Variants in STAC observed in about 807,000 individuals in gnomAD.
The protein encoded by STAC is SH3 and cysteine rich domain.
Under a neutral mutation model 48.8 loss-of-function variants are expected in STAC, and 43 were observed. The ratio of observed to expected loss-of-function variants is 0.88; its 90% CI spans 0.69 to 1.14. STAC has a LOEUF of 1.14. STAC is among the 50% of genes most tolerant of loss of function. The pLI, the probability that STAC is intolerant of heterozygous loss-of-function variation, is 0.00. For synonymous variants in STAC, 193 were observed against 179.5 expected (o/e 1.07, Z -0.60); for missense variants, 497 against 504.0 (o/e 0.99, Z 0.13).
chr3:36,443,251 G>T lies in STAC; in HGVS notation c.112-113G>T. The T allele has an allele frequency of 2.3e-6, 3 of 1,277,208 alleles. No homozygotes were observed. Among genetic ancestry groups the T allele is most frequent in the Non-Finnish European group, 2.2e-6 (2 of 918,968 alleles). 79.1% of individuals were successfully genotyped at this position (1,277,208 alleles called of 1,614,324 possible). A position where few individuals can be genotyped will look rare whatever the true frequency, so the allele number is the denominator to read the frequency against. On this transcript the variant is annotated intron_variant, in intron 1 of 10. Coordinates refer to ENST00000273183, the MANE Select transcript of STAC (RefSeq NM_003149.3). The surrounding 1 kb of genome is among the most constrained non-coding windows in gnomAD (Gnocchi z 4.2). Reference sequence around the variant, plus strand: ...CAGGGACATTTATGAGCCTCCTCAAGACGGAGGGTGTCAGTGGGGACTGTG... The same window carrying T: ...CAGGGACATTTATGAGCCTCCTCAATACGGAGGGTGTCAGTGGGGACTGTG...
chr3:36,541,143 G>T (rs1035920243), intron 10 of STAC, among the ~76,000 whole-genome samples: 1 of 151,912 alleles, frequency 6.6e-6, no homozygotes, highest in Admixed American at 6.6e-5. Context: ...GACAAAGAAA[G>T]ATTTTCTTCC....
chr3:36,434,257 T>C (rs1435298787), intron 1 of STAC, among the ~76,000 whole-genome samples: 1 of 152,206 alleles, frequency 6.6e-6, no homozygotes, highest in African/African-American at 2.4e-5. Flanking sequence ...ATATGACAGG[T>C]ATTTCCTCAA....
At chr3:36,415,462 TCTC>T (rs1478257403) in intron 1 of STAC, among the ~76,000 whole-genome samples, 3 of 152,158 alleles carry the variant, frequency 2.0e-5, no homozygotes, top group Non-Finnish European at 4.4e-5. Context: ...TGGGATATAA[TCTC>T]CTGGTGTGCT....
At chr3:36,473,365 G>T (rs1553638211) in intron 2 of STAC, among the ~76,000 whole-genome samples, 1 of 152,198 alleles carries the variant, frequency 6.6e-6, no homozygotes, top group Non-Finnish European at 1.5e-5. Flanking sequence ...ACCTGAGTTA[G>T]CTATGTGCAG....
chr3:36,397,973 T>A (rs745787216), intron 1 of STAC, among the ~76,000 whole-genome samples: 17 of 151,886 alleles, frequency 1.1e-4, no homozygotes, highest in Non-Finnish European at 1.8e-4. Context: ...TGGGAGATAT[T>A]TAAAACTTGT....
At chr3:36,436,871 A>G (rs1020056746) in intron 1 of STAC, among the ~76,000 whole-genome samples, 1 of 151,322 alleles carries the variant, frequency 6.6e-6, no homozygotes, top group African/African-American at 2.4e-5. Flanking sequence ...TCCGCAACCT[A>G]CTCATCTGAC....
chr3:36,541,470 T>C (rs1699324595), intron 10 of STAC, among the ~76,000 whole-genome samples: 1 of 152,218 alleles, frequency 6.6e-6, no homozygotes, highest in Non-Finnish European at 1.5e-5. Flanking sequence ...GAACTAAGGT[T>C]GCCCAGCTGA....
At chr3:36,408,174 A>G (rs932155014) in intron 1 of STAC, among the ~76,000 whole-genome samples, 1 of 152,110 alleles carries the variant, frequency 6.6e-6, no homozygotes, top group African/African-American at 2.4e-5. Flanking sequence ...CTATCCCATC[A>G]CTTTTCCCAT....
intron 2 of STAC, among the ~76,000 whole-genome samples, chr3:36,481,166 A>G (rs562272720): frequency 5.6e-4 from 86 of 152,244 alleles, no homozygotes; most frequent in African/African-American, 2.0e-3. Context: ...AGAGCTGAGG[A>G]ATTAAAGAGC....
chr3:36,466,169 G>A (rs1697163288), intron 2 of STAC, among the ~76,000 whole-genome samples: 1 of 152,082 alleles, frequency 6.6e-6, no homozygotes, highest in African/African-American at 2.4e-5. Flanking sequence ...TTTCTCCACT[G>A]TATGTTTTTC....
At chr3:36,489,550 G>A (rs1273497819) in intron 5 of STAC, among the ~76,000 whole-genome samples, 1 of 152,180 alleles carries the variant, frequency 6.6e-6, no homozygotes, top group Non-Finnish European at 1.5e-5. Context: ...GTTATATATT[G>A]CTTAGTAATT....
Position 36,483,009 on chromosome 3 carries a change from G to A in STAC, c.406G>A (p.Gly136Arg). 1.9e-6 allele frequency: 3 copies of A among 1,614,052 alleles called. No homozygotes were observed. The highest frequency in any genetic ancestry group is 2.5e-6 in the Non-Finnish European group (3 of 1,179,916). ...CCTGACAGGAACAAATGCTAAGCAT[G>A]GACTGCGCTGCAAAGCCTGTAAGAT... ...HMIVGTNAKHGLRCKACKMSI... is the reference protein window; with the variant it reads ...HMIVGTNAKHRLRCKACKMSI... The change falls in exon 3 of 11, where the codon GGA becomes AGA. Residue 136 changes from glycine to arginine, a missense_variant. Gly to Arg is a moderately radical substitution (Grantham distance 125). Transcript: ENST00000273183.
At chr3:36,521,913 G>A (rs947319716) in intron 8 of STAC, among the ~76,000 whole-genome samples, 6 of 151,848 alleles carry the variant, frequency 4.0e-5, no homozygotes, top group African/African-American at 1.2e-4. Context: ...GGGCAACATC[G>A]TGAGATCCTA....
chr3:36,536,216 C>T (rs1699195034), intron 10 of STAC, among the ~76,000 whole-genome samples: 1 of 151,786 alleles, frequency 6.6e-6, no homozygotes, highest in Non-Finnish European at 1.5e-5. Context: ...TGGCCATTGA[C>T]ATTCTTCACA....
At position 36,517,646 on chromosome 3, in the gene STAC, C is replaced by CCTAT. The variant is rs34723998; in HGVS notation, c.921-11030_921-11027dup. Among the ~76,000 whole-genome samples the CCTAT allele has an allele frequency of 3.4e-3, 509 of 151,778 alleles. 1 individual carries two copies. Among genetic ancestry groups the CCTAT allele is most frequent in the Non-Finnish European group, 4.2e-3 (287 of 67,916 alleles). ...TCCAGCCTGAATGACAGAGCTAGACCCTATCTATCTATCTATCTATCTAAA... is the reference window on the plus strand; with the variant it reads ...TCCAGCCTGAATGACAGAGCTAGACCCTATCTATCTATCTATCTATCTATCTAAA... On this transcript the variant is annotated intron_variant, in intron 8 of 10. Coordinates refer to ENST00000273183, the MANE Select transcript of STAC (RefSeq NM_003149.3).
intron 1 of STAC, among the ~76,000 whole-genome samples, chr3:36,430,494 T>C (rs1700674321): frequency 1.3e-5 from 2 of 152,238 alleles, no homozygotes; most frequent in South Asian, 2.1e-4. Context: ...CAGGTTTCCA[T>C]CTTTATTAAC....
chr3:36,437,176 T>C lies in STAC; in HGVS notation c.112-6188T>C, dbSNP rs1255249579. ...AACAGGAACACTTTTACACTGTTGG[T>C]GGGACTGTAAACTAGTTCAACCATT... On this transcript the variant is annotated intron_variant, in intron 1 of 10. Transcript: ENST00000273183. Among the ~76,000 whole-genome samples the C allele has an allele frequency of 1.1e-4, 17 of 151,338 alleles. No homozygotes were observed. In the East Asian group the frequency reaches 3.3e-3, roughly 29 times the overall value.
chr3:36,503,910 T>A (rs983807903), intron 6 of STAC, among the ~76,000 whole-genome samples: 1 of 152,210 alleles, frequency 6.6e-6, no homozygotes, highest in Non-Finnish European at 1.5e-5. Context: ...ACTAAAGCTT[T>A]AATCTTCAAA....
intron 8 of STAC, among the ~76,000 whole-genome samples, chr3:36,527,665 T>C (rs1376676426): frequency 6.6e-6 from 1 of 152,186 alleles, no homozygotes; most frequent in Non-Finnish European, 1.5e-5. Flanking sequence ...AGAGAGAACA[T>C]CATAGATGGG....
Sources: allele counts gnomAD v4.1 joint callset (sites outside exome capture counted in the v4.1 genomes callset), GRCh38; gene constraint gnomAD v4.1.1; non-coding constraint Gnocchi (gnomAD v3.1); transcripts MANE v1.5; gene names NCBI Gene and HGNC (gene_info 2026-07-23, HGNC 2026-07-21).